The following CGNL1 variants were observed in gnomAD, a reference collection of about 807,000 sequenced individuals.
The protein encoded by CGNL1 is cingulin like 1, also known as cingulin-like protein 1.
In CGNL1, 132 loss-of-function variants were observed where a neutral mutation model predicts 141.2. The observed-to-expected ratio is 0.93, with a 90% confidence interval of 0.81 to 1.08. The LOEUF (loss-of-function observed/expected upper bound fraction) is 1.08. CGNL1 is among the 50% of genes least tolerant of loss of function. The probability of loss-of-function intolerance (pLI) is 0.00; values close to 1 mark genes in which losing one functional copy is unlikely to be tolerated. For synonymous variants in CGNL1, 690 were observed against 622.1 expected, an observed-to-expected ratio of 1.11 and a Z score of -1.63; for missense variants, 1,870 against 1,588.6, an observed-to-expected ratio of 1.18 and a Z score of -3.01.
chr15:57,419,601 CA>C (rs1452173720), intron 1 of CGNL1, among the ~76,000 whole-genome samples: 1 of 152,084 alleles, frequency 6.6e-6, no homozygotes. Flanking sequence ...ATATTTTTCT[CA>C]TGATTAGACT....
chr15:57,415,527 C>A (rs2152275421), intron 1 of CGNL1, among the ~76,000 whole-genome samples: 1 of 152,286 alleles, frequency 6.6e-6, no homozygotes, highest in Non-Finnish European at 1.5e-5. Flanking sequence ...ATGAGGAATG[C>A]AGCCCTGTTG....
chr15:57,492,864 A>C (rs1039799275), intron 8 of CGNL1, among the ~76,000 whole-genome samples: 1 of 152,234 alleles, frequency 6.6e-6, no homozygotes, highest in South Asian at 2.1e-4. Context: ...TCATCTCTAC[A>C]TGCCTCAGGC....
intron 18 of CGNL1, among the ~76,000 whole-genome samples, chr15:57,546,704 C>T (rs559375105): frequency 1.3e-3 from 193 of 152,252 alleles, no homozygotes; most frequent in Non-Finnish European, 2.4e-3. Flanking sequence ...AGGATGGGGA[C>T]GTGGAATGCA....
chr15:57,523,970 C>A (rs1349986566), intron 11 of CGNL1, among the ~76,000 whole-genome samples: 1 of 152,158 alleles, frequency 6.6e-6, no homozygotes, highest in Non-Finnish European at 1.5e-5. Flanking sequence ...ACCTTTGCAT[C>A]TCTATTGCTT....
In CGNL1 at chr15:57,523,699, C is replaced by T. The variant is rs1362656224; in HGVS notation, c.2868+58C>T. 5 of 1,588,550 alleles carry T rather than the reference C, an allele frequency of 3.1e-6. No individual in the cohort carries two copies. The Admixed American group carries it at 5.1e-5, about 16-fold the overall frequency. On this transcript the variant is annotated intron_variant, in intron 11 of 18. Coordinates refer to ENST00000281282, the MANE Select transcript of CGNL1 (RefSeq NM_032866.5). ...GCCAGATGTCTTTGTTGGACCCAGT[C>T]CCCTCTGAGGGTCTGGTGAAAGCCT...
At chr15:57,504,009 C>T (rs139664716) in intron 8 of CGNL1, among the ~76,000 whole-genome samples, 29 of 152,094 alleles carry the variant, frequency 1.9e-4, no homozygotes, top group Admixed American at 4.6e-4. Context: ...CTGTGCCCTG[C>T]GTGGCATTGT....
chr15:57,490,590 TG>T, intron 8 of CGNL1, among the ~76,000 whole-genome samples: 1 of 152,226 alleles, frequency 6.6e-6, no homozygotes, highest in South Asian at 2.1e-4. Context: ...AATACATAAA[TG>T]GGGAATAATA....
intron 8 of CGNL1, among the ~76,000 whole-genome samples, chr15:57,504,993 C>T (rs916876868): frequency 3.9e-5 from 6 of 152,184 alleles, no homozygotes; most frequent in Non-Finnish European, 8.8e-5. Context: ...TTGGTTACTC[C>T]ATCCCTCCCA....
Position 57,528,616 on chromosome 15 carries a change from G to C in CGNL1, c.3040-38G>C, listed in dbSNP as rs1380992084. On this transcript the variant is annotated intron_variant, in intron 12 of 18. Transcript: ENST00000281282. Reference sequence around the variant, plus strand: ...CTGTGGAGGTCTCTATGCTCTTGATGCACCCCAGAAAACCATCCCAGCTGT... The same window carrying C: ...CTGTGGAGGTCTCTATGCTCTTGATCCACCCCAGAAAACCATCCCAGCTGT... 1.9e-6 allele frequency: 3 copies of C among 1,608,798 alleles called. No homozygotes were observed. The African/African-American group carries it at 4.0e-5, about 22-fold the overall frequency.
intron 1 of CGNL1, among the ~76,000 whole-genome samples, chr15:57,428,620 G>A (rs758098663): frequency 2.1e-4 from 32 of 152,290 alleles, no homozygotes; most frequent in Non-Finnish European, 3.7e-4. Flanking sequence ...CAAGGAAGAG[G>A]CAGGAGCTGC....
chr15:57,473,393 T>G (rs1432622113), intron 8 of CGNL1, among the ~76,000 whole-genome samples: 2 of 152,164 alleles, frequency 1.3e-5, no homozygotes, highest in Non-Finnish European at 2.9e-5. Flanking sequence ...AACTCTAAAT[T>G]CATTAGACAA....
At chr15:57,543,179 G>C (rs1171090473) in intron 14 of CGNL1, among the ~76,000 whole-genome samples, 1 of 151,826 alleles carries the variant, frequency 6.6e-6, no homozygotes, top group East Asian at 1.9e-4. Flanking sequence ...GGCAATCTTT[G>C]GTAATCACTG....
chr15:57,487,708 C>T (rs773607006), intron 8 of CGNL1, among the ~76,000 whole-genome samples: 1 of 152,064 alleles, frequency 6.6e-6, no homozygotes, highest in South Asian at 2.1e-4. Flanking sequence ...GAGAACTTTG[C>T]CTTTACTGGT....
chr15:57,397,371 G>A (rs900386454), intron 1 of CGNL1, among the ~76,000 whole-genome samples: 55 of 152,314 alleles, frequency 3.6e-4, no homozygotes, highest in African/African-American at 1.2e-3. Flanking sequence ...CCTCCATTTG[G>A]CGGAGTGGTG....
At chr15:57,529,825 G>A (rs1291650836) in intron 13 of CGNL1, among the ~76,000 whole-genome samples, 1 of 152,140 alleles carries the variant, frequency 6.6e-6, no homozygotes, top group African/African-American at 2.4e-5. Context: ...AAACGTCCAG[G>A]GGACTTAGTA....
intron 1 of CGNL1, among the ~76,000 whole-genome samples, chr15:57,424,654 G>A (rs1334817121): frequency 6.6e-6 from 1 of 152,086 alleles, no homozygotes; most frequent in Non-Finnish European, 1.5e-5. Context: ...ATGAACTAGT[G>A]GAAAGAACCA....
intron 8 of CGNL1, among the ~76,000 whole-genome samples, chr15:57,475,164 G>T: frequency 6.6e-6 from 1 of 152,126 alleles, no homozygotes; most frequent in East Asian, 1.9e-4. Context: ...CCGCAGGTTG[G>T]CCACCCTCAC....
intron 12 of CGNL1, chr15:57,527,063 T>C (rs1012967711): frequency 2.0e-5 from 3 of 152,240 alleles, no homozygotes; most frequent in Non-Finnish European, 4.4e-5. Context: ...TTTTGTTTTT[T>C]GTTTTTTTAA....
rs139756852 is a variant in CGNL1 at position 57,532,520 on chromosome 15, C to G, written c.3291+741C>G. Among the ~76,000 whole-genome samples the G allele has an allele frequency of 5.0e-3, 762 of 152,306 alleles. 10 individuals carry two copies. Among genetic ancestry groups the G allele is most frequent in the African/African-American group, 0.018 (735 of 41,558 alleles). Reference sequence around the variant, plus strand: ...AATACTGCATGTATTATCTGCACTTCGCTTGAGAAATTAGTTCCGTCATCT... The same window carrying G: ...AATACTGCATGTATTATCTGCACTTGGCTTGAGAAATTAGTTCCGTCATCT... On this transcript the variant is annotated intron_variant, in intron 14 of 18. Transcript: ENST00000281282.
Sources: gnomAD v4.1 joint callset for allele counts (sites outside exome capture counted in the v4.1 genomes callset) on GRCh38, gnomAD v4.1.1 for gene constraint, MANE v1.5 for transcripts, NCBI Gene and HGNC (gene_info 2026-07-23, HGNC 2026-07-21) for gene names.